The following PIKFYVE variants were observed in gnomAD, a reference collection of about 807,000 sequenced individuals.
PIKFYVE encodes the protein phosphoinositide kinase, FYVE-type zinc finger containing.
In PIKFYVE, 122 loss-of-function variants were observed where a neutral mutation model predicts 257.9. The ratio of observed to expected loss-of-function variants is 0.47; its 90% CI spans 0.41 to 0.55. PIKFYVE has a LOEUF of 0.55. PIKFYVE is among the 20% of genes least tolerant of loss of function. The pLI is 0.00. For synonymous variants in PIKFYVE, 892 were observed against 868.9 expected, an observed-to-expected ratio of 1.03 and a Z score of -0.47; for missense variants, 2,160 against 2,536.6, an observed-to-expected ratio of 0.85 and a Z score of 3.19.
intron 23 of PIKFYVE, among the ~76,000 whole-genome samples, chr2:208,331,901 G>T (rs936451435): frequency 1.3e-5 from 2 of 152,146 alleles, no homozygotes; most frequent in Non-Finnish European, 2.9e-5. Flanking sequence ...ATAGTTTGTT[G>T]TAGAATATGT....
At chr2:208,316,137 G>T (rs1574590355) in intron 15 of PIKFYVE, among the ~76,000 whole-genome samples, 5 of 147,484 alleles carry the variant, frequency 3.4e-5, no homozygotes, top group African/African-American at 1.3e-4. Context: ...TTGGTTTTTT[G>T]TCCTTGCGAT....
chr2:208,326,049 T>G lies in PIKFYVE; in HGVS notation c.3238T>G (p.Tyr1080Asp). ...EKGMRCSTRD[Y>D]FAEQVYWSPL... ...GGGGATGAGATGCTCTACCCGAGATTATTTTGCAGAGCAGGTTTACTGGTC... is the reference window on the plus strand; with the variant it reads ...GGGGATGAGATGCTCTACCCGAGATGATTTTGCAGAGCAGGTTTACTGGTC... The change falls in exon 20 of 42, where the codon TAT becomes GAT. Residue 1080 changes from tyrosine to aspartate, a missense_variant. Coordinates refer to ENST00000264380, the MANE Select transcript of PIKFYVE (RefSeq NM_015040.4). 2 of 1,614,148 alleles carry G rather than the reference T, an allele frequency of 1.2e-6. No individual in the cohort carries two copies. Among genetic ancestry groups the G allele is most frequent in the Non-Finnish European group, 1.7e-6 (2 of 1,180,028 alleles).
At chr2:208,343,935 C>T (rs571202985) in intron 32 of PIKFYVE, among the ~76,000 whole-genome samples, 27 of 151,774 alleles carry the variant, frequency 1.8e-4, no homozygotes, top group Non-Finnish European at 3.4e-4. Context: ...GGTTTCACGC[C>T]GTTCTCCTGC....
intron 6 of PIKFYVE, among the ~76,000 whole-genome samples, chr2:208,287,292 A>T (rs1336086407): frequency 6.9e-6 from 1 of 144,642 alleles, no homozygotes; most frequent in Non-Finnish European, 1.5e-5. Context: ...TTTTTGAGAC[A>T]GAGTTTTTTT....
chr2:208,277,497 A>G, intron 4 of PIKFYVE, 40 bp from the exon 5 acceptor site: 2 of 1,597,626 alleles, frequency 1.3e-6, no homozygotes, highest in Non-Finnish European at 1.7e-6. Flanking sequence ...ATTAATAATC[A>G]GTATTTTCAA....
chr2:208,350,997 T>TA, intron 37 of PIKFYVE, 50 bp downstream of exon 37: 7 of 1,604,710 alleles, frequency 4.4e-6, no homozygotes, highest in Non-Finnish European at 6.0e-6. Flanking sequence ...TTCATCTCTT[T>TA]ACCTCAGAAA....
intron 31 of PIKFYVE, among the ~76,000 whole-genome samples, chr2:208,341,493 C>T (rs548612816): frequency 6.6e-6 from 1 of 152,134 alleles, no homozygotes; most frequent in East Asian, 1.9e-4. Flanking sequence ...TGTCTTGGTC[C>T]GTTCATGCTG....
At chr2:208,348,630 G>GTGTGTA (rs1553535112) in intron 35 of PIKFYVE, among the ~76,000 whole-genome samples, 2 of 151,262 alleles carry the variant, frequency 1.3e-5, no homozygotes, top group African/African-American at 2.4e-5. Context: ...GTGTGTGTGT[G>GTGTGTA]TGTGTGTATC....
At chr2:208,323,488 A>C (rs1696550693) in intron 17 of PIKFYVE, among the ~76,000 whole-genome samples, 1 of 152,054 alleles carries the variant, frequency 6.6e-6, no homozygotes, top group Non-Finnish European at 1.5e-5. Context: ...TATGTGCCAC[A>C]TTTTCTTAAT....
In PIKFYVE at chr2:208,271,497, C is replaced by G. The variant is rs1370386000; in HGVS notation, c.-9-14C>G. On this transcript the variant is annotated splice_polypyrimidine_tract_variant and intron_variant, in intron 1 of 41. Transcript: ENST00000264380. ...GAGGAATTTAGATTTTTGCTTGTTT[C>G]TTTTGTTTTTCAGACTCATGAAATG... 6.2e-7 allele frequency: 1 copy of G among 1,613,688 alleles called. No individual in the cohort carries two copies. Among genetic ancestry groups the G allele is most frequent in the Admixed American group, 1.7e-5 (1 of 59,984 alleles).
At chr2:208,273,955 TTAA>T (rs1689760823) in intron 3 of PIKFYVE, 1 of 1,551,966 alleles carries the variant, frequency 6.4e-7, no homozygotes. Context: ...TCATTAAACT[TTAA>T]TTTAGGCAAG....
chr2:208,310,708 G>A (rs1694845724), intron 12 of PIKFYVE, among the ~76,000 whole-genome samples: 1 of 152,000 alleles, frequency 6.6e-6, no homozygotes, highest in African/African-American at 2.4e-5. Flanking sequence ...ATTTGACCTG[G>A]GTTCTTTTAA....
chr2:208,342,610 G>A lies in PIKFYVE; in HGVS notation c.4988G>A (p.Cys1663Tyr), dbSNP rs769637922. 4 of 1,613,760 alleles carry A rather than the reference G, an allele frequency of 2.5e-6. No individual in the cohort carries two copies. Among genetic ancestry groups the A allele is most frequent in the Admixed American group, 1.7e-5 (1 of 59,988 alleles). Residue 1663 changes from cysteine to tyrosine, a missense_variant, in exon 32 of 42, where the codon TGC becomes TAC. By Grantham distance (194) the Cys-to-Tyr change is radical. Around this residue, in one of 12 missense-constraint regions of PIKFYVE, gnomAD observed 699 missense variants for 855.8 expected, o/e 0.82. Transcript: ENST00000264380. ...CATGAACGAGTGCCCATTGCAGTCT[G>A]CGAGAAGGAACCCAGCTCCATCATT... ...YEHERVPIAV[C>Y]EKEPSSIIAF... is the part of the protein sequence containing the mutation.
chr2:208,305,517 AT>A, intron 12 of PIKFYVE: 1 of 838,904 alleles, frequency 1.2e-6, no homozygotes, highest in Non-Finnish European at 1.4e-6. Context: ...TATATTCTAT[AT>A]TTATTAAAAC....
chr2:208,308,691 T>TGATA (rs1166199029), intron 12 of PIKFYVE, among the ~76,000 whole-genome samples: 5 of 147,896 alleles, frequency 3.4e-5, no homozygotes, highest in Non-Finnish European at 7.4e-5. Context: ...TAAGAGCTTA[T>TGATA]GATAACACTA....
intron 7 of PIKFYVE, among the ~76,000 whole-genome samples, chr2:208,294,881 G>C (rs908628078): frequency 6.6e-6 from 1 of 152,212 alleles, no homozygotes; most frequent in African/African-American, 2.4e-5. Context: ...CCCTCTGCTG[G>C]AAGCCAGAAG....
intron 41 of PIKFYVE, 32 bp from the exon 42 acceptor site, chr2:208,355,158 C>T (rs41304173): frequency 4.3e-4 from 658 of 1,540,492 alleles, no homozygotes; most frequent in Non-Finnish European, 5.4e-4. Context: ...TATATAACAG[C>T]TTTTTCCCCC....
chr2:208,308,311 G>T (rs1011617246), intron 12 of PIKFYVE, among the ~76,000 whole-genome samples: 7 of 151,966 alleles, frequency 4.6e-5, no homozygotes, highest in Non-Finnish European at 1.0e-4. Flanking sequence ...TGAGGTGGGA[G>T]GATTGCTTGA....
chr2:208,267,504 T>A (rs1201158171), intron 1 of PIKFYVE, among the ~76,000 whole-genome samples: 1 of 136,116 alleles, frequency 7.3e-6, no homozygotes, highest in Non-Finnish European at 1.6e-5. Flanking sequence ...CATTGCCAGT[T>A]TTTTTTTTTT....
Sources: gnomAD v4.1 joint callset for allele counts (sites outside exome capture counted in the v4.1 genomes callset) on GRCh38, gnomAD v4.1.1 for gene constraint, gnomAD v4.1.1 regional missense constraint, MANE v1.5 for transcripts, NCBI Gene and HGNC (gene_info 2026-07-23, HGNC 2026-07-21) for gene names.